The following CHLSN variants were observed in gnomAD, a reference collection of about 807,000 sequenced individuals.
CHLSN encodes protein cholesin.
At chr7:993,541 G>A in the CHLSN span, among the ~76,000 whole-genome samples, 464 of 152,244 alleles carry the variant, frequency 3.0e-3, 2 homozygotes, top group African/African-American at 9.8e-3. Context: ...GTGGGAGGCC[G>A]GGGTGGGAGG....
the CHLSN span, among the ~76,000 whole-genome samples, chr7:1,008,775 C>A: frequency 6.6e-6 from 1 of 152,008 alleles, no homozygotes; most frequent in South Asian, 2.1e-4. Flanking sequence ...TAAACACACA[C>A]GCACACACGC....
the CHLSN span, among the ~76,000 whole-genome samples, chr7:1,121,922 C>T: frequency 6.6e-6 from 1 of 152,214 alleles, no homozygotes; most frequent in Non-Finnish European, 1.5e-5. Flanking sequence ...GGGCAGCGTG[C>T]TGCACCCACC....
At chr7:1,019,351 A>G in the CHLSN span, among the ~76,000 whole-genome samples, 1 of 152,008 alleles carries the variant, frequency 6.6e-6, no homozygotes, top group Admixed American at 6.5e-5. Context: ...GTGTTGTTCA[A>G]TGGTTCTATA....
At chr7:986,817 C>T in the CHLSN span, 3 of 1,517,662 alleles carry the variant, frequency 2.0e-6, no homozygotes, top group Admixed American at 2.1e-5. Flanking sequence ...GACCCAAGAC[C>T]TCCTTGAAGG....
the CHLSN span, among the ~76,000 whole-genome samples, chr7:985,496 G>A: frequency 2.0e-5 from 3 of 152,206 alleles, no homozygotes; most frequent in Admixed American, 2.0e-4. Flanking sequence ...AGCTGGTCAT[G>A]TGGCCTCAAA....
the CHLSN span, among the ~76,000 whole-genome samples, chr7:1,117,931 C>A: frequency 6.6e-6 from 1 of 152,188 alleles, no homozygotes; most frequent in Admixed American, 6.5e-5. Context: ...ACCTCGGCCC[C>A]CCTAGAAGCT....
chr7:1,047,289 C>T, the CHLSN span, among the ~76,000 whole-genome samples: 1 of 152,210 alleles, frequency 6.6e-6, no homozygotes, highest in South Asian at 2.1e-4. Context: ...TCGCTATTAT[C>T]CATGGAAAAA....
the CHLSN span, among the ~76,000 whole-genome samples, chr7:1,041,358 G>A: frequency 0.35 from 19,435 of 55,822 alleles, 4,480 homozygotes; most frequent in African/African-American, 0.51. Flanking sequence ...GGGGAAGGGG[G>A]CCTGGGGTCC....
chr7:1,063,068 TTC>T, the CHLSN span, among the ~76,000 whole-genome samples: 88 of 152,206 alleles, frequency 5.8e-4, no homozygotes, highest in African/African-American at 1.7e-3. Flanking sequence ...GCCCCCTCCG[TTC>T]TCTCTGGGCT....
the CHLSN span, among the ~76,000 whole-genome samples, chr7:1,040,183 T>A: frequency 0.054 from 4,024 of 74,536 alleles, 373 homozygotes; most frequent in African/African-American, 0.086. Context: ...AAAATAAATT[T>A]AAAAAAAAAA....
At chr7:1,006,659 C>T in the CHLSN span, among the ~76,000 whole-genome samples, 3 of 150,976 alleles carry the variant, frequency 2.0e-5, no homozygotes, top group Admixed American at 6.6e-5. Flanking sequence ...GAGCGCACGA[C>T]GGCCACAGCG....
At chr7:988,065 C>T in the CHLSN span, among the ~76,000 whole-genome samples, 1 of 130,918 alleles carries the variant, frequency 7.6e-6, no homozygotes, top group African/African-American at 3.3e-5. Flanking sequence ...CCTCTCCATG[C>T]ATCCTGGGTG....
At chr7:1,068,104 T>G in the CHLSN span, among the ~76,000 whole-genome samples, 1 of 152,164 alleles carries the variant, frequency 6.6e-6, no homozygotes. Context: ...TCTGTGGAGC[T>G]CAGGGGTCCC....
the CHLSN span, chr7:1,058,264 A>G: frequency 6.5e-6 from 5 of 771,844 alleles, no homozygotes; most frequent in African/African-American, 5.1e-5. Flanking sequence ...ACGCCACACT[A>G]TCTGATCCTG....
At chr7:1,117,081 A>G in the CHLSN span, among the ~76,000 whole-genome samples, 50 of 40,450 alleles carry the variant, frequency 1.2e-3, no homozygotes, top group East Asian at 2.2e-3. Context: ...TGACATCACT[A>G]CAGCTCTACG....
the CHLSN span, among the ~76,000 whole-genome samples, chr7:1,075,733 C>A: frequency 2.6e-5 from 4 of 151,224 alleles, no homozygotes; most frequent in East Asian, 8.0e-4. Flanking sequence ...CGGCCTCAGC[C>A]TCCCGAGTAG....
At chr7:1,131,196 A>T in the CHLSN span, among the ~76,000 whole-genome samples, 3 of 27,982 alleles carry the variant, frequency 1.1e-4, no homozygotes, top group African/African-American at 5.7e-4. Context: ...GTGTTTAAAA[A>T]AAAAAAAAAA....
chr7:1,107,897 GGA>G, the CHLSN span, among the ~76,000 whole-genome samples: 3 of 146,300 alleles, frequency 2.1e-5, no homozygotes, highest in African/African-American at 7.9e-5. Flanking sequence ...CCGCACCCCG[GGA>G]GGAAGCAGAG....
chr7:1,101,878 T>C, the CHLSN span, among the ~76,000 whole-genome samples: 2 of 152,222 alleles, frequency 1.3e-5, no homozygotes, highest in African/African-American at 4.8e-5. Context: ...AAAACGAGGC[T>C]CGCTCCTGAG....
Sources: gnomAD v4.1 joint callset for allele counts (sites outside exome capture counted in the v4.1 genomes callset) on GRCh38, gnomAD v4.1.1 for gene constraint, MANE v1.5 for transcripts, NCBI Gene and HGNC (gene_info 2026-07-23, HGNC 2026-07-21) for gene names.